Variants in PROX2 observed in about 807,000 individuals in gnomAD.
PROX2 encodes prospero homeobox 2, also known as prospero homeobox protein 2.
PROX2 carries 46 observed loss-of-function variants against 48.9 expected under a neutral mutation model. The observed-to-expected ratio is 0.94, with a 90% CI of 0.74 to 1.20. The LOEUF is 1.20. PROX2 is among the 50% of genes most tolerant of loss of function. The probability of loss-of-function intolerance (pLI) is 0.00; values close to 1 mark genes in which losing one functional copy is unlikely to be tolerated. For synonymous variants in PROX2, 260 were observed against 276.6 expected (o/e 0.94, Z 0.60); for missense variants, 663 against 719.4 (o/e 0.92, Z 0.90).
intron 5 of PROX2, chr14:74,855,588 G>T (rs749568095): frequency 1.8e-5 from 5 of 279,404 alleles, no homozygotes; most frequent in Non-Finnish European, 3.3e-5. Context: ...AACTAAGCAG[G>T]TCAGAAAATC....
At chr14:74,864,866 G>A (rs769132186) in intron 2 of PROX2, among the ~76,000 whole-genome samples, 41 of 149,142 alleles carry the variant, frequency 2.7e-4, no homozygotes, top group African/African-American at 9.4e-4. Context: ...AATTCAGGCC[G>A]GGCAAGGTAG....
At chr14:74,873,605 G>T in intron 1 of PROX2, 1 of 261,440 alleles carries the variant, frequency 3.8e-6, no homozygotes, top group Non-Finnish European at 7.6e-6. Flanking sequence ...GAGGTCTTCT[G>T]GCCCCGGCCA....
In PROX2 at chr14:74,854,997, T is replaced by C; in HGVS notation, c.*135A>G. The C allele has an allele frequency of 2.1e-6, 1 of 484,974 alleles. No homozygotes were observed. The highest frequency in any genetic ancestry group is 3.6e-6 in the Non-Finnish European group (1 of 279,114). 30.0% of individuals were successfully genotyped at this position (484,974 alleles called of 1,614,324 possible). A position where few individuals can be genotyped will look rare whatever the true frequency, so the allele number is the denominator to read the frequency against. On this transcript the variant is annotated 3_prime_UTR_variant, in exon 6 of 6. Transcript: ENST00000556489. Reference sequence around the variant, plus strand: ...AAAGGGAAATAAATGATCAAAATGGTAATAGTACCTGTTTTGATAGAGGAG... The same window carrying C: ...AAAGGGAAATAAATGATCAAAATGGCAATAGTACCTGTTTTGATAGAGGAG...
Position 74,855,305 on chromosome 14 carries a change from G to C in PROX2, c.1609-3C>G, listed in dbSNP as rs960851754. On this transcript the variant is annotated splice_polypyrimidine_tract_variant and splice_region_variant and intron_variant, in intron 5 of 5. Transcript: ENST00000556489. ...ATTTCCAAGAAGCAATCTGGAACCT[G>C]CATTTCCAAAGAGACCCACAAGAAA... is the stretch of plus-strand genomic sequence containing the variant. 6.5e-7 allele frequency: 1 copy of C among 1,546,104 alleles called. No individual in the cohort carries two copies. The highest frequency in any genetic ancestry group is 8.8e-7 in the Non-Finnish European group (1 of 1,136,696).
At chr14:74,862,043 A>G (rs576936102) in intron 3 of PROX2, among the ~76,000 whole-genome samples, 4 of 152,354 alleles carry the variant, frequency 2.6e-5, no homozygotes, top group Middle Eastern at 6.8e-3. Context: ...CCGATGGGTC[A>G]TAGAAGAAGC....
intron 2 of PROX2, among the ~76,000 whole-genome samples, chr14:74,866,718 G>A (rs1883071563): frequency 6.6e-6 from 1 of 152,206 alleles, no homozygotes; most frequent in Non-Finnish European, 1.5e-5. Context: ...AAGAAGAGGA[G>A]TAGGTGACAT....
intron 1 of PROX2, chr14:74,873,736 G>T: frequency 2.1e-6 from 1 of 465,220 alleles, no homozygotes; most frequent in South Asian, 1.7e-5. Flanking sequence ...TAAGTGGATG[G>T]ATTCGAAAAG....
Position 74,863,601 on chromosome 14 carries a change from G to A in PROX2, c.234C>T (p.Ser78=). The part of the protein sequence containing the change: ...VETIVRGMCL[S]PNPLVPGNAQ... ...CATTGCCTGGCACCAGAGGATTCGG[G>A]GAGAGACACATGCCTCGGACAATGG... Residue 78 remains serine (S), a synonymous_variant, in exon 3 of 6, where the codon TCC becomes TCT. Transcript: ENST00000556489. The A allele has an allele frequency of 1.9e-6, 3 of 1,609,192 alleles. No individual in the cohort carries two copies. Among genetic ancestry groups the A allele is most frequent in the Non-Finnish European group, 2.5e-6 (3 of 1,177,592 alleles).
At position 74,856,904 on chromosome 14, in the gene PROX2, G is replaced by T. The variant is rs772644466; in HGVS notation, c.1505C>A (p.Ala502Glu). 2 of 1,613,998 alleles carry T rather than the reference G, an allele frequency of 1.2e-6. No homozygotes were observed. The highest frequency in any genetic ancestry group is 3.3e-5 in the Admixed American group (2 of 60,020). ...YIQMEKSARQ[A>E]ISDGVTNPKM... is the part of the protein sequence containing the mutation. ...GGGATTTGTGACACCATCTGAAATT[G>T]CTTGCCGGGCAGATTTTTCCATTTG... The change falls in exon 5 of 6, where the codon GCA becomes GAA. Residue 502 changes from alanine to glutamate, a missense_variant. Transcript: ENST00000556489.
chr14:74,858,737 G>T, intron 3 of PROX2: 1 of 481,314 alleles, frequency 2.1e-6, no homozygotes, highest in Non-Finnish European at 3.8e-6. Flanking sequence ...ATGTGGAAAA[G>T]TTATGTAGCA....
chr14:74,867,716 G>C (rs1252559416), intron 2 of PROX2, among the ~76,000 whole-genome samples: 1 of 152,206 alleles, frequency 6.6e-6, no homozygotes, highest in Non-Finnish European at 1.5e-5. Context: ...GAAGAGCATA[G>C]AACCACTAAA....
intron 5 of PROX2, 137 bp from the exon 6 acceptor site, chr14:74,855,439 C>T (rs2091736031): frequency 3.6e-6 from 2 of 557,846 alleles, no homozygotes; most frequent in Non-Finnish European, 5.8e-6. Flanking sequence ...GCCCCTGATT[C>T]TGCAACCCTA....
At chr14:74,861,159 C>A in intron 3 of PROX2, 1 of 1,313,544 alleles carries the variant, frequency 7.6e-7, no homozygotes, top group South Asian at 1.1e-5. Context: ...GGTCCCACCC[C>A]ATCCTGCTGC....
intron 2 of PROX2, among the ~76,000 whole-genome samples, chr14:74,866,252 C>T (rs1883059543): frequency 6.6e-6 from 1 of 151,972 alleles, no homozygotes; most frequent in Non-Finnish European, 1.5e-5. Flanking sequence ...AGCAAGACTC[C>T]GTCTCGAAAA....
At position 74,856,838 on chromosome 14, in the gene PROX2, G is replaced by A; in HGVS notation, c.1571C>T (p.Ala524Val). 6.2e-7 allele frequency: 1 copy of A among 1,614,032 alleles called. No homozygotes were observed. The highest frequency in any genetic ancestry group is 8.5e-7 in the Non-Finnish European group (1 of 1,179,880). The part of the protein sequence containing the change: ...VVLRNSELFQ[A>V]LNMHYNKGND... ...TCCCTTGTTGTAGTGCATATTGAGA[G>A]CTTGAAAAAGTTCTGAATTGCGGAG... Residue 524 changes from alanine to valine, a missense_variant, in exon 5 of 6, where the codon GCT (alanine) becomes GTT (valine). Transcript: ENST00000556489.
rs888314532 is a variant in PROX2 at position 74,853,838 on chromosome 14, G to A, written c.*1294C>T. ...ATCCTGACTAGCTTAGAAGACAGAT[G>A]CAGTTACTCAGCTTTGTACATGCCT... On this transcript the variant is annotated 3_prime_UTR_variant, in exon 6 of 6. Transcript: ENST00000556489. 1 of 145,948 alleles carries A rather than the reference G, an allele frequency of 6.9e-6. No homozygotes were observed. Among genetic ancestry groups the A allele is most frequent in the Non-Finnish European group, 1.5e-5 (1 of 66,430 alleles). 9.0% of individuals were successfully genotyped at this position (145,948 alleles called of 1,614,324 possible). A position where few individuals can be genotyped will look rare whatever the true frequency, so the allele number is the denominator to read the frequency against.
chr14:74,856,718 C>T, intron 5 of PROX2, 83 bp downstream of exon 5: 1 of 1,249,272 alleles, frequency 8.0e-7, no homozygotes, highest in Admixed American at 2.0e-5. Flanking sequence ...TAAGGAGACA[C>T]AGAAGAGGGA....
chr14:74,863,727 T>C lies in PROX2; in HGVS notation c.108A>G (p.Arg36=), dbSNP rs1376782692. 3 of 1,531,704 alleles carry C rather than the reference T, an allele frequency of 2.0e-6. No individual in the cohort carries two copies. The highest frequency in any genetic ancestry group is 2.6e-6 in the Non-Finnish European group (3 of 1,143,062). 94.9% of individuals were successfully genotyped at this position (1,531,704 alleles called of 1,614,324 possible). ...CCTGACTCCAGGGAAACGGGGAGTC[T>C]CTATCCAGCTCTGGAGGGGATGAGC... is the stretch of plus-strand genomic sequence containing the variant. ...ERSSSPPELD[R]DSPFPWSQVP... is the part of the protein sequence containing the mutation. Residue 36 remains arginine, a synonymous_variant, in exon 3 of 6, where the codon AGA becomes AGG. Transcript: ENST00000556489.
rs1199930390 is a variant in PROX2 at position 74,858,415 on chromosome 14, C to A, written c.1405G>T (p.Asp469Tyr). ...SSNLLKVYFP[D>Y]VQFNRCITSQ... ...TAGTTGAGTGACTTTACCTGAACATCAGGAAAATAAACCTTCAGGAGGTTG... is the reference window on the plus strand; with the variant it reads ...TAGTTGAGTGACTTTACCTGAACATAAGGAAAATAAACCTTCAGGAGGTTG... Residue 469 changes from aspartate (D) to tyrosine (Y), a missense_variant, in exon 4 of 6, where the codon GAT becomes TAT. Physicochemically the swap from Asp to Tyr is radical, Grantham distance 160 (BLOSUM62 -3). Transcript: ENST00000556489. 3 of 1,566,164 alleles carry A rather than the reference C, an allele frequency of 1.9e-6. No homozygotes were observed. The highest frequency in any genetic ancestry group is 2.6e-6 in the Non-Finnish European group (3 of 1,152,062).
Sources: allele counts gnomAD v4.1 joint callset (sites outside exome capture counted in the v4.1 genomes callset), GRCh38; gene constraint gnomAD v4.1.1; transcripts MANE v1.5; gene names NCBI Gene and HGNC (gene_info 2026-07-23, HGNC 2026-07-21).